The following NEK1 variants were observed in gnomAD, a reference collection of about 807,000 sequenced individuals.
NEK1 encodes the protein NIMA related kinase 1.
A neutral mutation model predicts 182.1 loss-of-function variants in NEK1; 137 were observed. The ratio of observed to expected loss-of-function variants is 0.75; its 90% CI spans 0.65 to 0.87. The LOEUF (loss-of-function observed/expected upper bound fraction) is 0.87, where lower values mean the gene tolerates loss of function less well. NEK1 is among the 40% of genes least tolerant of loss of function. The pLI, the probability that NEK1 is intolerant of heterozygous loss-of-function variation, is 0.00. For missense variants in NEK1, 1,391 were observed against 1,494.4 expected, an observed-to-expected ratio of 0.93 and a Z score of 1.14; for synonymous variants, 513 against 492.2, an observed-to-expected ratio of 1.04 and a Z score of -0.56.
intron 12 of NEK1, among the ~76,000 whole-genome samples, chr4:169,574,054 G>T (rs1765295258): frequency 6.6e-6 from 1 of 152,110 alleles, no homozygotes; most frequent in Admixed American, 6.5e-5. Flanking sequence ...AGCTACTCAG[G>T]AAGTTGAGGA....
intron 23 of NEK1, among the ~76,000 whole-genome samples, chr4:169,495,239 C>CTTTTTT (rs774183115): frequency 1.1e-4 from 12 of 105,448 alleles, no homozygotes; most frequent in Non-Finnish European, 1.6e-4. Flanking sequence ...ACATTTAAGT[C>CTTTTTT]TTTTTTTTTT....
intron 28 of NEK1, 27 bp from the exon 29 acceptor site, chr4:169,433,692 C>T (rs776190491): frequency 1.9e-6 from 3 of 1,606,284 alleles, no homozygotes; most frequent in Admixed American, 3.4e-5. Context: ...TAACGAGAGA[C>T]ATCTCAAAGC....
At chr4:169,465,056 C>G (rs188886130) in intron 26 of NEK1, among the ~76,000 whole-genome samples, 146 of 151,946 alleles carry the variant, frequency 9.6e-4, no homozygotes, top group African/African-American at 3.5e-3. Flanking sequence ...CAATGGTAAC[C>G]TAATACATAT....
chr4:169,426,096 A>G, intron 30 of NEK1, 50 bp downstream of exon 30: 38 of 1,302,364 alleles, frequency 2.9e-5, no homozygotes, highest in Non-Finnish European at 3.8e-5. Flanking sequence ...TGATGTTAAT[A>G]ATCATTAACA....
At chr4:169,410,263 C>G (rs1733437745) in intron 31 of NEK1, among the ~76,000 whole-genome samples, 2 of 151,852 alleles carry the variant, frequency 1.3e-5, no homozygotes, top group African/African-American at 4.8e-5. Flanking sequence ...TAAGTTCAAA[C>G]AGGAGTACCA....
chr4:169,555,699 C>T (rs1179795407), intron 18 of NEK1, 21 bp downstream of exon 18: 10 of 1,613,558 alleles, frequency 6.2e-6, no homozygotes, highest in Non-Finnish European at 8.5e-6. Context: ...TGGATGAATT[C>T]ATGGATCATC....
chr4:169,528,346 C>T (rs1329724634), intron 19 of NEK1, among the ~76,000 whole-genome samples: 1 of 152,190 alleles, frequency 6.6e-6, no homozygotes, highest in African/African-American at 2.4e-5. Flanking sequence ...TCTACAAATG[C>T]AGGTGGCCCC....
chr4:169,424,076 ATT>A (rs765795353), intron 31 of NEK1, among the ~76,000 whole-genome samples: 41 of 152,186 alleles, frequency 2.7e-4, no homozygotes, highest in Non-Finnish European at 5.3e-4. Context: ...CTGTAGAGAT[ATT>A]TTTTATAAGA....
At chr4:169,558,858 T>C (rs962775371) in intron 16 of NEK1, among the ~76,000 whole-genome samples, 1 of 152,206 alleles carries the variant, frequency 6.6e-6, no homozygotes, top group Non-Finnish European at 1.5e-5. Context: ...AATAATAGTA[T>C]TAATTTTGAA....
rs1762930580 is a variant in NEK1, at chr4:169,561,704, T to G, written c.1174A>C (p.Arg392=). The stretch of plus-strand genomic sequence containing the variant: ...CCTCTTACCCTTTCCTTTTCTTGCC[T>G]TTTCATTTGTTCAGCCTTCATTAAA... ...ISLMKAEQMK[R]QEKERLERIN... The change falls in exon 15 of 36, where the codon AGG becomes CGG. Residue 392 remains arginine, a synonymous_variant. Coordinates refer to ENST00000507142, the MANE Select transcript of NEK1 (RefSeq NM_001199397.3). The G allele has an allele frequency of 6.4e-7, 1 of 1,569,150 alleles. No individual in the cohort carries two copies. The highest frequency in any genetic ancestry group is 1.2e-5 in the South Asian group (1 of 86,448).
At chr4:169,555,277 T>C (rs922956797) in intron 18 of NEK1, 13 of 185,030 alleles carry the variant, frequency 7.0e-5, no homozygotes, top group African/African-American at 3.1e-4. Flanking sequence ...GAGTTATAAA[T>C]CAGAGATGAA....
Position 169,580,838 on chromosome 4 carries a change from T to G in NEK1, c.868+4A>C, listed in dbSNP as rs750023849. 17 of 1,510,284 alleles carry G rather than the reference T, an allele frequency of 1.1e-5. No individual in the cohort carries two copies. Among genetic ancestry groups the G allele is most frequent in the Non-Finnish European group, 1.5e-5 (17 of 1,111,364 alleles). 93.6% of individuals were successfully genotyped at this position (1,510,284 alleles called of 1,614,324 possible). A position where few individuals can be genotyped will look rare whatever the true frequency, so the allele number is the denominator to read the frequency against. On this transcript the variant is annotated splice_donor_region_variant and intron_variant, in intron 11 of 35. Coordinates refer to ENST00000507142, the MANE Select transcript of NEK1 (RefSeq NM_001199397.3). ...TGAAAGGCTTCATATCAGATTTCAT[T>G]TACCTGGTATAGGCTGTGATCCAAA...
chr4:169,432,406 G>A (rs1310625155), intron 29 of NEK1, among the ~76,000 whole-genome samples: 2 of 152,066 alleles, frequency 1.3e-5, no homozygotes, highest in African/African-American at 4.8e-5. Context: ...ATACACATAC[G>A]AAAGTCACTT....
intron 18 of NEK1, among the ~76,000 whole-genome samples, chr4:169,551,056 G>A (rs753541028): frequency 1.2e-4 from 18 of 152,306 alleles, no homozygotes; most frequent in East Asian, 3.9e-4. Context: ...CCTTGCACAA[G>A]TGCCCAATTA....
chr4:169,541,901 T>C (rs1225686041), intron 18 of NEK1, among the ~76,000 whole-genome samples: 2 of 152,202 alleles, frequency 1.3e-5, no homozygotes, highest in African/African-American at 4.8e-5. Flanking sequence ...TCCTCATATC[T>C]GACCGAAATG....
At chr4:169,409,553 G>A (rs1198652678) in intron 31 of NEK1, among the ~76,000 whole-genome samples, 2 of 152,138 alleles carry the variant, frequency 1.3e-5, no homozygotes, top group African/African-American at 4.8e-5. Flanking sequence ...TGGATCACTT[G>A]AGGTCAGGAG....
At chr4:169,555,386 A>C in intron 18 of NEK1, 1 of 284,414 alleles carries the variant, frequency 3.5e-6, no homozygotes, top group Non-Finnish European at 6.8e-6. Flanking sequence ...ATAAAGTGTG[A>C]TTCAATTTAG....
At chr4:169,506,028 A>C (rs995070822) in intron 23 of NEK1, among the ~76,000 whole-genome samples, 1 of 151,950 alleles carries the variant, frequency 6.6e-6, no homozygotes, top group Non-Finnish European at 1.5e-5. Context: ...AACTATGTCA[A>C]TTCTTCTTAA....
In NEK1 at chr4:169,477,235, G is replaced by A. The variant is rs200610485; in HGVS notation, c.2323C>T (p.His775Tyr). The change falls in exon 26 of 36, where the codon CAT becomes TAT. Residue 775 changes from histidine (H) to tyrosine (Y), a missense_variant. This residue lies in a region of NEK1 where 1,216 missense variants were observed against 1,277.6 expected (regional missense o/e 0.95). Transcript: ENST00000507142. Reference protein sequence around the residue: ...EINVHEDAKEHEKEKSVSSDR... With the variant: ...EINVHEDAKEYEKEKSVSSDR... ...GATGAAACTGATTTTTCTTTTTCAT[G>A]CTCTTTGGCATCTTCATGAACATTT... The A allele has an allele frequency of 6.4e-5, 102 of 1,603,334 alleles. No homozygotes were observed. Among genetic ancestry groups the A allele is most frequent in the Non-Finnish European group, 8.3e-5 (98 of 1,174,054 alleles).
Sources: gnomAD v4.1 joint callset for allele counts (sites outside exome capture counted in the v4.1 genomes callset) on GRCh38, gnomAD v4.1.1 for gene constraint, gnomAD v4.1.1 regional missense constraint, MANE v1.5 for transcripts, NCBI Gene and HGNC (gene_info 2026-07-23, HGNC 2026-07-21) for gene names.